Variants in SVEP1 observed in about 807,000 individuals in gnomAD.
SVEP1 encodes sushi, von Willebrand factor type A, EGF and pentraxin domain containing 1.
In SVEP1, 164 loss-of-function variants were observed where a neutral mutation model predicts 367.3. The ratio of observed to expected loss-of-function variants is 0.45; its 90% CI spans 0.39 to 0.51. The LOEUF is 0.51. SVEP1 is among the 20% of genes least tolerant of loss of function. The probability of loss-of-function intolerance (pLI) is 0.00; values close to 1 mark genes in which losing one functional copy is unlikely to be tolerated. For missense variants in SVEP1, 4,117 were observed against 4,425.3 expected (o/e 0.93, Z 1.98); for synonymous variants, 1,666 against 1,611.6 (o/e 1.03, Z -0.81).
chr9:110,416,865 C>A (rs1828128626), intron 36 of SVEP1, among the ~76,000 whole-genome samples: 1 of 152,036 alleles, frequency 6.6e-6, no homozygotes, highest in African/African-American at 2.4e-5. Context: ...GAGGACTGTT[C>A]TGTACATTGT....
At chr9:110,453,334 T>C (rs10739301) in intron 22 of SVEP1, among the ~76,000 whole-genome samples, 70,613 of 151,748 alleles carry the variant, frequency 0.47, 16,540 homozygotes, top group African/African-American at 0.5. Flanking sequence ...TTAGAATATA[T>C]CATCAATATT....
chr9:110,458,384 T>G, intron 20 of SVEP1, 87 bp downstream of exon 20: 2 of 1,124,836 alleles, frequency 1.8e-6, no homozygotes, highest in Non-Finnish European at 2.6e-6. Context: ...GTTTCAATCC[T>G]GGTCCTTTTC....
intron 41 of SVEP1, 70 bp from the exon 42 acceptor site, chr9:110,387,528 G>C: frequency 9.9e-6 from 14 of 1,418,842 alleles, no homozygotes; most frequent in Non-Finnish European, 1.2e-5. Context: ...TCCTATGATT[G>C]CCAAAGATAT....
chr9:110,492,869 T>C (rs2118732336), intron 8 of SVEP1, among the ~76,000 whole-genome samples: 1 of 152,152 alleles, frequency 6.6e-6, no homozygotes, highest in South Asian at 2.1e-4. Context: ...GAGTGCTGGG[T>C]GAGGCCGACA....
At chr9:110,511,578 G>C (rs1460828523) in intron 5 of SVEP1, among the ~76,000 whole-genome samples, 2 of 125,790 alleles carry the variant, frequency 1.6e-5, no homozygotes, top group African/African-American at 6.1e-5. Context: ...TTGGAATCCT[G>C]GCCTTATTTT....
At chr9:110,395,492 A>G (rs2118984000) in intron 40 of SVEP1, among the ~76,000 whole-genome samples, 1 of 152,326 alleles carries the variant, frequency 6.6e-6, no homozygotes, top group East Asian at 1.9e-4. Context: ...GATCAAATTC[A>G]CACATAACAA....
chr9:110,579,458 T>C lies in SVEP1; in HGVS notation c.86A>G (p.Asn29Ser). The change falls in exon 1 of 48, where the codon AAT becomes AGT. Residue 29 changes from asparagine (N) to serine (S), a missense_variant. Physicochemically the swap from Asn to Ser is conservative, Grantham distance 46 (BLOSUM62 1). Coordinates refer to ENST00000374469, the MANE Select transcript of SVEP1 (RefSeq NM_153366.4). This position sits in a 1 kb window ranked among gnomAD's most constrained non-coding sequence, Gnocchi z 5.3. ...ATFQQMSPSRNFSFRLFPETA... is the reference protein window; with the variant it reads ...ATFQQMSPSRSFSFRLFPETA... ...CTCGGGGAAGAGGCGGAAGCTGAAATTGCGCGACGGGGACATCTGCTGAAA... is the reference window on the plus strand; with the variant it reads ...CTCGGGGAAGAGGCGGAAGCTGAAACTGCGCGACGGGGACATCTGCTGAAA... 1.2e-6 allele frequency: 2 copies of C among 1,600,970 alleles called. No individual in the cohort carries two copies. Among genetic ancestry groups the C allele is most frequent in the South Asian group, 2.2e-5 (2 of 89,048 alleles).
At chr9:110,486,946 TTC>T (rs142014340) in intron 9 of SVEP1, among the ~76,000 whole-genome samples, 11 of 147,560 alleles carry the variant, frequency 7.5e-5, no homozygotes, top group African/African-American at 2.0e-4. Context: ...CACCTGGACC[TTC>T]TCTCTCTCTC....
Position 110,435,236 on chromosome 9 carries a change from C to T in SVEP1, c.4888+5G>A. On this transcript the variant is annotated splice_donor_5th_base_variant and intron_variant, in intron 29 of 47. Transcript: ENST00000374469. The stretch of plus-strand genomic sequence containing the variant: ...GTGGAGTCTATGAAAGAAGGAAATT[C>T]TCACCAGAACAAAATATGCTCTTAG... The T allele has an allele frequency of 6.2e-7, 1 of 1,612,166 alleles. No homozygotes were observed. Among genetic ancestry groups the T allele is most frequent in the Non-Finnish European group, 8.5e-7 (1 of 1,178,744 alleles).
At position 110,411,066 on chromosome 9, in the gene SVEP1, C is replaced by G; in HGVS notation, c.6645G>C (p.Leu2215=). The G allele has an allele frequency of 6.4e-7, 1 of 1,561,622 alleles. No individual in the cohort carries two copies. Residue 2215 remains leucine (L), a synonymous_variant, in exon 37 of 48, where the codon CTG becomes CTC. Coordinates refer to ENST00000374469, the MANE Select transcript of SVEP1 (RefSeq NM_153366.4). ...GEPPKVENGF[L]EHTTGRIFES... ...CATTTGCTAATTGGTCTCTTACCTC[C>G]AGAAAGCCATTCTCAACCTTAGGTG...
At chr9:110,482,318 G>A (rs908628731) in intron 11 of SVEP1, 43 bp downstream of exon 11, 1 of 1,593,442 alleles carries the variant, frequency 6.3e-7, no homozygotes. Flanking sequence ...AATGACATGT[G>A]TCAAATGTCA....
In SVEP1 at chr9:110,447,026, G is replaced by A. The variant is rs1828611935; in HGVS notation, c.4135C>T (p.His1379Tyr). 6.5e-7 allele frequency: 1 copy of A among 1,533,742 alleles called. No homozygotes were observed. The highest frequency in any genetic ancestry group is 8.8e-7 in the Non-Finnish European group (1 of 1,140,710). ...CATTCATTGATGTTCAATTCACAGT[G>A]TGATCCTGTGAAGCCAGCTGCACAC... ...CLCAAGFTGS[H>Y]CELNINECQS... The change falls in exon 25 of 48, where the codon CAC (histidine) becomes TAC (tyrosine). Residue 1379 changes from histidine (H) to tyrosine (Y), a missense_variant. By Grantham distance (83) the His-to-Tyr change is moderately conservative. This residue lies in a region of SVEP1 where 2,174 missense variants were observed against 2,494.3 expected (regional missense o/e 0.87). Transcript: ENST00000374469.
rs959056119 is a variant in SVEP1, at chr9:110,407,521, C to G, written c.8079G>C (p.Gly2693=). 15 of 1,613,816 alleles carry G rather than the reference C, an allele frequency of 9.3e-6. No homozygotes were observed. The highest frequency in any genetic ancestry group is 1.3e-5 in the Non-Finnish European group (15 of 1,179,890). ...CTTCCTGGCAGATCAGCACAGGGTT[C>G]CCCAGAAGTTCATATCCTGGATTAC... ...YTCNPGYELL[G]NPVLICQEDG... The change falls in exon 38 of 48, where the codon GGG becomes GGC. Residue 2693 remains glycine (G), a synonymous_variant. Coordinates refer to ENST00000374469, the MANE Select transcript of SVEP1 (RefSeq NM_153366.4).
intron 1 of SVEP1, among the ~76,000 whole-genome samples, chr9:110,561,510 C>T (rs1033711144): frequency 1.3e-5 from 2 of 152,102 alleles, no homozygotes; most frequent in African/African-American, 4.8e-5. Context: ...AGCTATATGT[C>T]CACCATGCAG....
Position 110,365,580 on chromosome 9 carries a change from G to GTGAT in SVEP1, c.*955_*958dup, listed in dbSNP as rs1827186854. On this transcript the variant is annotated 3_prime_UTR_variant, in exon 48 of 48. Coordinates refer to ENST00000374469, the MANE Select transcript of SVEP1 (RefSeq NM_153366.4). ...AAGGCTTCATCTTGGTACAATTGTT[G>GTGAT]TGATAGAGGTAGGTGACAGTGAGGA... 6.6e-6 allele frequency: 1 copy of GTGAT among 152,216 alleles called. No individual in the cohort carries two copies. Among genetic ancestry groups the GTGAT allele is most frequent in the African/African-American group, 2.4e-5 (1 of 41,452 alleles). 9.4% of individuals were successfully genotyped at this position (152,216 alleles called of 1,614,324 possible).
chr9:110,574,663 T>G (rs1830603596), intron 1 of SVEP1, among the ~76,000 whole-genome samples: 3 of 152,138 alleles, frequency 2.0e-5, no homozygotes, highest in African/African-American at 7.2e-5. Flanking sequence ...TACCTAAGAA[T>G]GCTCATCAGA....
chr9:110,516,119 A>ACTAAATCATTATAATATG (rs1829799333), intron 3 of SVEP1, among the ~76,000 whole-genome samples: 1 of 150,598 alleles, frequency 6.6e-6, no homozygotes, highest in Admixed American at 6.6e-5. Context: ...ATTATAATAT[A>ACTAAATCATTATAATATG]CTAAATCATT....
intron 13 of SVEP1, among the ~76,000 whole-genome samples, chr9:110,477,681 A>G (rs1447677423): frequency 6.6e-6 from 1 of 152,032 alleles, no homozygotes; most frequent in Non-Finnish European, 1.5e-5. Context: ...ATGCCCTTGT[A>G]TGCTCTGCCT....
At chr9:110,522,624 G>A (rs768672475) in intron 3 of SVEP1, among the ~76,000 whole-genome samples, 6 of 152,168 alleles carry the variant, frequency 3.9e-5, no homozygotes, top group Non-Finnish European at 8.8e-5. Context: ...ATCGGCATAT[G>A]TCAGCCCTAA....
Sources: gnomAD v4.1 joint callset for allele counts (sites outside exome capture counted in the v4.1 genomes callset) on GRCh38, gnomAD v4.1.1 for gene constraint, gnomAD v4.1.1 regional missense constraint, Gnocchi (gnomAD v3.1) non-coding constraint, MANE v1.5 for transcripts, NCBI Gene and HGNC (gene_info 2026-07-23, HGNC 2026-07-21) for gene names.